Variants in PTPRN2 observed in about 807,000 individuals in gnomAD.
The protein encoded by PTPRN2 is protein tyrosine phosphatase receptor type N2, also known as receptor-type tyrosine-protein phosphatase N2.
PTPRN2 carries 74 observed loss-of-function variants against 118.8 expected under a neutral mutation model. The observed-to-expected ratio is 0.62, with a 90% confidence interval of 0.52 to 0.76. The LOEUF (loss-of-function observed/expected upper bound fraction) is 0.76. PTPRN2 is among the 30% of genes least tolerant of loss of function. PTPRN2 has a pLI of 0.00. For synonymous variants in PTPRN2, 641 were observed against 608.0 expected (o/e 1.05, Z -0.80); for missense variants, 1,481 against 1,394.4 (o/e 1.06, Z -0.99).
chr7:157,918,201 C>T (rs1371109275), intron 11 of PTPRN2, among the ~76,000 whole-genome samples: 1 of 152,142 alleles, frequency 6.6e-6, no homozygotes, highest in East Asian at 1.9e-4. Context: ...TTCACCTCCC[C>T]GTTTATAAAA....
At position 157,785,544 on chromosome 7, in the gene PTPRN2, CA is replaced by C. The variant is rs1803980859; in HGVS notation, c.1789-102608del. Among the ~76,000 whole-genome samples, 1 of 152,192 alleles carries C rather than the reference CA, an allele frequency of 6.6e-6. No individual in the cohort carries two copies. Among genetic ancestry groups the C allele is most frequent in the South Asian group, 2.1e-4 (1 of 4,830 alleles). On this transcript the variant is annotated intron_variant, in intron 12 of 22. Transcript: ENST00000389418. The surrounding 1 kb of genome is among the most constrained non-coding windows in gnomAD (Gnocchi z 7.3). ...CTGCGACCTGCCTGGGTGCCATCCG[CA>C]AACCTGGTCTCTGCTGAAATCTGAA...
chr7:157,899,416 C>G (rs1797312861), intron 11 of PTPRN2, among the ~76,000 whole-genome samples: 1 of 152,228 alleles, frequency 6.6e-6, no homozygotes, highest in Non-Finnish European at 1.5e-5. Flanking sequence ...AACCCACCTG[C>G]CCCACTTCAC....
At chr7:158,321,045 G>C (rs1203156796) in intron 2 of PTPRN2, among the ~76,000 whole-genome samples, 5 of 152,094 alleles carry the variant, frequency 3.3e-5, no homozygotes, top group African/African-American at 1.2e-4. Flanking sequence ...ACATACTAGA[G>C]AAAAGGACTG....
chr7:157,730,060 C>T (rs1356769123), intron 12 of PTPRN2, among the ~76,000 whole-genome samples: 4 of 152,190 alleles, frequency 2.6e-5, no homozygotes, highest in African/African-American at 4.8e-5. Context: ...TATACAATAA[C>T]GATATGGGCT....
intron 2 of PTPRN2, among the ~76,000 whole-genome samples, chr7:158,409,847 G>A (rs7786823): frequency 0.97 from 148,163 of 152,306 alleles, 72,097 homozygotes; most frequent in African/African-American, 0.99. Flanking sequence ...GAGCTGAGAA[G>A]ATGTGTTGAC....
chr7:157,744,463 G>A (rs946617067), intron 12 of PTPRN2, among the ~76,000 whole-genome samples: 1 of 151,460 alleles, frequency 6.6e-6, no homozygotes, highest in Non-Finnish European at 1.5e-5. Flanking sequence ...GATGGAATCT[G>A]CTCTGGGAAG....
At chr7:158,271,066 C>A (rs1324605684) in intron 3 of PTPRN2, among the ~76,000 whole-genome samples, 3 of 146,638 alleles carry the variant, frequency 2.0e-5, no homozygotes, top group Admixed American at 6.7e-5. Context: ...CTGGGCCACC[C>A]CCTCCACCTG....
At chr7:157,605,466 C>T (rs779862416) in intron 15 of PTPRN2, among the ~76,000 whole-genome samples, 3 of 152,236 alleles carry the variant, frequency 2.0e-5, no homozygotes, top group Admixed American at 6.5e-5. Flanking sequence ...TCTTCACCCA[C>T]AGTGTGGCGA....
At chr7:158,212,060 C>T (rs1413125278) in intron 3 of PTPRN2, among the ~76,000 whole-genome samples, 2 of 152,136 alleles carry the variant, frequency 1.3e-5, no homozygotes, top group Admixed American at 1.3e-4. Flanking sequence ...CTTTCATTTG[C>T]AACAACATGG....
intron 3 of PTPRN2, among the ~76,000 whole-genome samples, chr7:158,231,294 A>C (rs1829149594): frequency 6.6e-6 from 1 of 152,198 alleles, no homozygotes; most frequent in African/African-American, 2.4e-5. Context: ...ATTCCATGCA[A>C]GTGGAAACCA....
chr7:158,567,676 G>A (rs552141934), intron 1 of PTPRN2, among the ~76,000 whole-genome samples: 2 of 152,294 alleles, frequency 1.3e-5, no homozygotes, highest in Non-Finnish European at 2.9e-5. Context: ...GAAGGGGTAC[G>A]GGCATCGTGC....
chr7:158,259,074 G>A (rs922139627), intron 3 of PTPRN2, among the ~76,000 whole-genome samples: 6 of 152,174 alleles, frequency 3.9e-5, no homozygotes, highest in Middle Eastern at 3.2e-3. Context: ...GCATGTCCCC[G>A]TGAGGACCCC....
intron 2 of PTPRN2, among the ~76,000 whole-genome samples, chr7:158,328,584 C>T (rs61474285): frequency 0.4 from 61,488 of 152,032 alleles, 12,673 homozygotes; most frequent in Middle Eastern, 0.47. Context: ...ACAGCGGGAG[C>T]CTCACTGTCC....
chr7:158,023,344 G>A (rs1369063455), intron 11 of PTPRN2, among the ~76,000 whole-genome samples: 1 of 152,124 alleles, frequency 6.6e-6, no homozygotes, highest in Non-Finnish European at 1.5e-5. Flanking sequence ...CCCAGGTGAG[G>A]CTCTGCTCCC....
At chr7:157,621,815 C>A (rs1803270432) in intron 14 of PTPRN2, among the ~76,000 whole-genome samples, 1 of 152,200 alleles carries the variant, frequency 6.6e-6, no homozygotes, top group Non-Finnish European at 1.5e-5. Flanking sequence ...GGCCAGGGAG[C>A]TCAGACCAAG....
rs775997201 is a variant in PTPRN2, at chr7:157,978,879, T to C, written c.1724-80142A>G. On this transcript the variant is annotated intron_variant, in intron 11 of 22. Transcript: ENST00000389418. ...CGAGACCCCAGGAAGCATAGCGCCA[T>C]GATGGGAGAAAGACATCCCCTGGGC... Among the ~76,000 whole-genome samples, 48 of 151,994 alleles carry C rather than the reference T, an allele frequency of 3.2e-4. 1 individual carries two copies. The highest frequency in any genetic ancestry group is 5.9e-4 in the Non-Finnish European group (40 of 67,938).
At chr7:157,925,664 C>T (rs955733475) in intron 11 of PTPRN2, among the ~76,000 whole-genome samples, 43 of 152,092 alleles carry the variant, frequency 2.8e-4, no homozygotes, top group East Asian at 5.8e-4. Flanking sequence ...ACCCAGGAGC[C>T]GCTGGGGACC....
intron 3 of PTPRN2, among the ~76,000 whole-genome samples, chr7:158,262,922 CAT>C (rs1390029275): frequency 1.5e-4 from 21 of 141,808 alleles, no homozygotes; most frequent in Non-Finnish European, 2.4e-4. Flanking sequence ...ACTGCACACA[CAT>C]TCACACACTG....
chr7:158,278,276 G>A (rs1300771153), intron 3 of PTPRN2, among the ~76,000 whole-genome samples: 1 of 152,144 alleles, frequency 6.6e-6, no homozygotes, highest in Non-Finnish European at 1.5e-5. Context: ...CTGACCCCAG[G>A]GAGGAGGAAA....
Sources: gnomAD v4.1 joint callset for allele counts (sites outside exome capture counted in the v4.1 genomes callset) on GRCh38, gnomAD v4.1.1 for gene constraint, Gnocchi (gnomAD v3.1) non-coding constraint, MANE v1.5 for transcripts, NCBI Gene and HGNC (gene_info 2026-07-23, HGNC 2026-07-21) for gene names.